The following ZNF526 variants were observed in gnomAD, a reference collection of about 807,000 sequenced individuals.
ZNF526 encodes the protein zinc finger protein 526.
ZNF526 carries 16 observed loss-of-function variants against 32.4 expected under a neutral mutation model. The observed-to-expected ratio is 0.49, with a 90% CI of 0.33 to 0.75. The LOEUF is 0.75. ZNF526 is among the 30% of genes least tolerant of loss of function. ZNF526 has a pLI of 0.02. For missense variants in ZNF526, 838 were observed against 920.7 expected (o/e 0.91, Z 1.16); for synonymous variants, 355 against 363.4 (o/e 0.98, Z 0.26).
rs2036196229 is a variant in ZNF526, at chr19:42,228,021, T to G, written c.*1605T>G. 6.6e-6 allele frequency: 1 copy of G among 151,764 alleles called. No individual in the cohort carries two copies. The allele number at this position is 151,764 out of a possible 1,614,324, so 9.4% of individuals were successfully genotyped here. On this transcript the variant is annotated 3_prime_UTR_variant, in exon 3 of 3. Transcript: ENST00000301215. ...CAAGACCTGGGCAAGAGAGAGAGACTTTGTCTCTATTAAAAATAAAAATGA... is the reference window on the plus strand; with the variant it reads ...CAAGACCTGGGCAAGAGAGAGAGACGTTGTCTCTATTAAAAATAAAAATGA...
intron 1 of ZNF526, among the ~76,000 whole-genome samples, chr19:42,222,293 T>C (rs1213885063): frequency 6.6e-6 from 1 of 152,086 alleles, no homozygotes; most frequent in African/African-American, 2.4e-5. Context: ...TTTCATCATG[T>C]TGGCCAGCAT....
In ZNF526 at chr19:42,224,896, T is replaced by C; in HGVS notation, c.493T>C (p.Ser165Pro). 1 of 1,614,086 alleles carries C rather than the reference T, an allele frequency of 6.2e-7. No individual in the cohort carries two copies. Among genetic ancestry groups the C allele is most frequent in the Non-Finnish European group, 8.5e-7 (1 of 1,180,014 alleles). ...GGCTCATCGAAAGGCCCAGCACCTT[T>C]CTGCTACGGTAGCTGAGCCACCAGT... ...WVAHRKAQHL[S>P]ATVAEPPVPP... The change falls in exon 3 of 3, where the codon TCT becomes CCT. Residue 165 changes from serine to proline, a missense_variant. Ser to Pro is a moderately conservative substitution (Grantham distance 74, BLOSUM62 -1). Coordinates refer to ENST00000301215, the MANE Select transcript of ZNF526 (RefSeq NM_133444.3).
Position 42,226,811 on chromosome 19 carries a change from C to CT in ZNF526, c.*397dup. The CT allele has an allele frequency of 3.1e-6, 1 of 325,066 alleles. No homozygotes were observed. Among genetic ancestry groups the CT allele is most frequent in the Non-Finnish European group, 6.2e-6 (1 of 160,548 alleles). The allele number at this position is 325,066 out of a possible 1,614,324, so 20.1% of individuals were successfully genotyped here. A position where few individuals can be genotyped will look rare whatever the true frequency, so the allele number is the denominator to read the frequency against. ...AGATCCTCTGCTTGTACCCCCAGCC[C>CT]TTGCCTTCCCTGGATTTTGGGCACC... On this transcript the variant is annotated 3_prime_UTR_variant, in exon 3 of 3. Coordinates refer to ENST00000301215, the MANE Select transcript of ZNF526 (RefSeq NM_133444.3).
In ZNF526 at chr19:42,225,464, A is replaced by G. The variant is rs2036166729; in HGVS notation, c.1061A>G (p.His354Arg). ...TCGCTTGAGCAGCACTTGCGGCTGCATCGCGGGGAAGCCCGCTACCTCTGT... is the reference window on the plus strand; with the variant it reads ...TCGCTTGAGCAGCACTTGCGGCTGCGTCGCGGGGAAGCCCGCTACCTCTGT... ...AASLEQHLRLHRGEARYLCVD... is the reference protein window; with the variant it reads ...AASLEQHLRLRRGEARYLCVD... The change falls in exon 3 of 3, where the codon CAT (histidine) becomes CGT (arginine). Residue 354 changes from histidine (H) to arginine (R), a missense_variant. Transcript: ENST00000301215. 1.2e-6 allele frequency: 2 copies of G among 1,614,122 alleles called. No homozygotes were observed. The highest frequency in any genetic ancestry group is 1.7e-6 in the Non-Finnish European group (2 of 1,180,038).
chr19:42,228,089 TGGAGGCTGAGGC>T lies in ZNF526; in HGVS notation c.*1680_*1691del, dbSNP rs1037529129. The T allele has an allele frequency of 6.6e-6, 1 of 151,404 alleles. No individual in the cohort carries two copies. The highest frequency in any genetic ancestry group is 1.5e-5 in the Non-Finnish European group (1 of 67,882). 9.4% of individuals were successfully genotyped at this position (151,404 alleles called of 1,614,324 possible). A position where few individuals can be genotyped will look rare whatever the true frequency, so the allele number is the denominator to read the frequency against. ...TGCACACCAGTATTCCCAGCTACTCTGGAGGCTGAGGCGGAGGCAGGATTGCTTGATATGAGG... is the reference window on the plus strand; with the variant it reads ...TGCACACCAGTATTCCCAGCTACTCTGGAGGCAGGATTGCTTGATATGAGG... On this transcript the variant is annotated 3_prime_UTR_variant, in exon 3 of 3. Coordinates refer to ENST00000301215, the MANE Select transcript of ZNF526 (RefSeq NM_133444.3).
In ZNF526 at chr19:42,226,361, C is replaced by T; in HGVS notation, c.1958C>T (p.Ala653Val). 1.9e-6 allele frequency: 3 copies of T among 1,614,254 alleles called. No individual in the cohort carries two copies. Among genetic ancestry groups the T allele is most frequent in the Non-Finnish European group, 2.5e-6 (3 of 1,180,044 alleles). The change falls in exon 3 of 3, where the codon GCA (alanine) becomes GTA (valine). Residue 653 changes from alanine to valine, a missense_variant. Physicochemically the swap from Ala to Val is moderately conservative, Grantham distance 64. Coordinates refer to ENST00000301215, the MANE Select transcript of ZNF526 (RefSeq NM_133444.3). ...LEDTLQLCQAALGASEAGGLL... is the reference protein window; with the variant it reads ...LEDTLQLCQAVLGASEAGGLL... ...GACACCCTGCAGCTGTGCCAGGCTG[C>T]ACTGGGGGCCAGTGAAGCAGGCGGG...
rs748144269 is a variant in ZNF526, at chr19:42,226,441, G to A, written c.*25G>A. On this transcript the variant is annotated 3_prime_UTR_variant, in exon 3 of 3. Coordinates refer to ENST00000301215, the MANE Select transcript of ZNF526 (RefSeq NM_133444.3). ...ACGCAGCTGAAAAGCAACAACAAAA[G>A]GGTTTGGTTGCAACAGCCAGTGTGG... 8 of 1,614,058 alleles carry A rather than the reference G, an allele frequency of 5.0e-6. No individual in the cohort carries two copies. Among genetic ancestry groups the A allele is most frequent in the Non-Finnish European group, 8.5e-7 (1 of 1,180,002 alleles).
chr19:42,225,603 C>G lies in ZNF526; in HGVS notation c.1200C>G (p.Thr400=), dbSNP rs202178084. The G allele has an allele frequency of 6.2e-7, 1 of 1,609,818 alleles. No homozygotes were observed. Among genetic ancestry groups the G allele is most frequent in the Admixed American group, 1.7e-5 (1 of 59,886 alleles). Residue 400 remains threonine, a synonymous_variant, in exon 3 of 3, where the codon ACC becomes ACG. Coordinates refer to ENST00000301215, the MANE Select transcript of ZNF526 (RefSeq NM_133444.3). The part of the protein sequence containing the change: ...CRCGKTFSNM[T]KFLYHRRTHA... Reference sequence around the variant, plus strand: ...GCGGCAAGACGTTCAGCAACATGACCAAGTTCCTCTACCACCGGCGCACTC... The same window carrying G: ...GCGGCAAGACGTTCAGCAACATGACGAAGTTCCTCTACCACCGGCGCACTC...
rs1248986629 is a variant in ZNF526, at chr19:42,225,368, C to T, written c.965C>T (p.Ala322Val). Residue 322 changes from alanine (A) to valine (V), a missense_variant, in exon 3 of 3, where the codon GCT becomes GTT. By Grantham distance (64) the Ala-to-Val change is moderately conservative. Transcript: ENST00000301215. ...TTCAGCTCCGCCAACCGGCTGCAGGCTCATGGGCGGGCCCATGTTGGTGGC... is the reference window on the plus strand; with the variant it reads ...TTCAGCTCCGCCAACCGGCTGCAGGTTCATGGGCGGGCCCATGTTGGTGGC... ...RSFSSANRLQ[A>V]HGRAHVGGTH... 1 of 1,614,032 alleles carries T rather than the reference C, an allele frequency of 6.2e-7. No homozygotes were observed. Among genetic ancestry groups the T allele is most frequent in the Admixed American group, 1.7e-5 (1 of 60,034 alleles).
rs777650203 is a variant in ZNF526, at chr19:42,225,180, T to A, written c.777T>A (p.Asp259Glu). The part of the protein sequence containing the change: ...EDEEAMAEVG[D>E]DAVGGDESTA... ...AGGAGGCCATGGCAGAGGTCGGTGATGATGCTGTGGGAGGTGACGAGTCCA... is the reference window on the plus strand; with the variant it reads ...AGGAGGCCATGGCAGAGGTCGGTGAAGATGCTGTGGGAGGTGACGAGTCCA... Residue 259 changes from aspartate to glutamate, a missense_variant, in exon 3 of 3, where the codon GAT becomes GAA. Coordinates refer to ENST00000301215, the MANE Select transcript of ZNF526 (RefSeq NM_133444.3). 1 of 1,614,080 alleles carries A rather than the reference T, an allele frequency of 6.2e-7. No homozygotes were observed. Among genetic ancestry groups the A allele is most frequent in the Non-Finnish European group, 8.5e-7 (1 of 1,180,034 alleles).
chr19:42,223,807 G>A (rs1278975807), intron 1 of ZNF526, among the ~76,000 whole-genome samples: 1 of 112,762 alleles, frequency 8.9e-6, no homozygotes, highest in African/African-American at 3.3e-5. Context: ...CAGAGCAAGA[G>A]TCCATCTCAA....
chr19:42,225,687 G>GCCCCCCCCCCCCCC lies in ZNF526; in HGVS notation c.1287_1288insCCCCCCCCCCCCCC (p.Thr430ProfsTer60). On this transcript the variant is annotated frameshift_variant, in exon 3 of 3. Transcript: ENST00000301215. LOFTEE classifies it high-confidence loss of function. ...CAACAGCTCCCCCAGCTCCAGCGGA[G>GCCCCCCCCCCCCCC]CCCACCCCTCCACCACCACCCCCTG... is the stretch of plus-strand genomic sequence containing the variant. The GCCCCCCCCCCCCCC allele has an allele frequency of 6.2e-7, 1 of 1,610,638 alleles. No homozygotes were observed. The highest frequency in any genetic ancestry group is 1.7e-5 in the Admixed American group (1 of 59,752).
rs1441730109 is a variant in ZNF526, at chr19:42,224,225, G to T, written c.-98G>T. On this transcript the variant is annotated 5_prime_UTR_variant, in exon 2 of 3. Coordinates refer to ENST00000301215, the MANE Select transcript of ZNF526 (RefSeq NM_133444.3). ...GTTTCTCTCCTGCAGGCTGCCGTGG[G>T]GTGTGTGTAGGCTTCAGAGACATGG... is the stretch of plus-strand genomic sequence containing the variant. The T allele has an allele frequency of 3.0e-6, 2 of 659,674 alleles. No individual in the cohort carries two copies. The highest frequency in any genetic ancestry group is 2.8e-6 in the Non-Finnish European group (1 of 362,850). 40.9% of individuals were successfully genotyped at this position (659,674 alleles called of 1,614,324 possible).
In ZNF526 at chr19:42,225,525, G is replaced by C; in HGVS notation, c.1122G>C (p.Thr374=). 1 of 1,612,556 alleles carries C rather than the reference G, an allele frequency of 6.2e-7. No homozygotes were observed. Among genetic ancestry groups the C allele is most frequent in the South Asian group, 1.1e-5 (1 of 91,066 alleles). ...DCGRGFGTEL[T]LVAHRRAHTA... ...GCCGCGGCTTTGGCACAGAACTCACGTTGGTGGCTCACCGGCGGGCCCACA... is the reference window on the plus strand; with the variant it reads ...GCCGCGGCTTTGGCACAGAACTCACCTTGGTGGCTCACCGGCGGGCCCACA... Residue 374 remains threonine, a synonymous_variant, in exon 3 of 3, where the codon ACG becomes ACC. Coordinates refer to ENST00000301215, the MANE Select transcript of ZNF526 (RefSeq NM_133444.3).
chr19:42,225,735 C>CCTTTG lies in ZNF526; in HGVS notation c.1333_1334insTTTGC (p.Pro445LeufsTer42). 3 of 1,610,918 alleles carry CCTTTG rather than the reference C, an allele frequency of 1.9e-6. No homozygotes were observed. The highest frequency in any genetic ancestry group is 2.5e-6 in the Non-Finnish European group (3 of 1,178,952). On this transcript the variant is annotated frameshift_variant, in exon 3 of 3. Transcript: ENST00000301215. LOFTEE classifies it high-confidence loss of function. Reference sequence around the variant, plus strand: ...CTGCCCCACCTGCCCAGCTGCCCTGCCCACAGTGCTCCAAGTCCTTTGCCT... The same window carrying CCTTTG: ...CTGCCCCACCTGCCCAGCTGCCCTGCCTTTGCCACAGTGCTCCAAGTCCTTTGCCT...
At position 42,226,490 on chromosome 19, in the gene ZNF526, C is replaced by T; in HGVS notation, c.*74C>T. Reference sequence around the variant, plus strand: ...GGGTACCTCTGGGGAGAGAGGACCTCCTCTGACAAACTGGTCTGGTACCCA... The same window carrying T: ...GGGTACCTCTGGGGAGAGAGGACCTTCTCTGACAAACTGGTCTGGTACCCA... On this transcript the variant is annotated 3_prime_UTR_variant, in exon 3 of 3. Coordinates refer to ENST00000301215, the MANE Select transcript of ZNF526 (RefSeq NM_133444.3). The T allele has an allele frequency of 6.2e-7, 1 of 1,604,682 alleles. No individual in the cohort carries two copies. Among genetic ancestry groups the T allele is most frequent in the Middle Eastern group, 1.7e-4 (1 of 6,032 alleles).
intron 1 of ZNF526, 123 bp downstream of exon 1, chr19:42,220,510 C>G (rs964532336): frequency 2.0e-5 from 3 of 152,278 alleles, no homozygotes; most frequent in Non-Finnish European, 4.4e-5. Context: ...GCGGGAGCGG[C>G]GCGGGCTGGA....
chr19:42,225,846 C>G lies in ZNF526; in HGVS notation c.1443C>G (p.Phe481Leu). The stretch of plus-strand genomic sequence containing the variant: ...GCTGTGGGGTTTGTGGCAAGGGCTT[C>G]AAGAAGCTGATCCACGTGCGCAACC... ...RHRCGVCGKG[F>L]KKLIHVRNHL... Residue 481 changes from phenylalanine to leucine, a missense_variant, in exon 3 of 3, where the codon TTC (phenylalanine) becomes TTG (leucine). By Grantham distance (22) the Phe-to-Leu change is conservative (BLOSUM62 0). Transcript: ENST00000301215. The G allele has an allele frequency of 6.2e-7, 1 of 1,614,156 alleles. No homozygotes were observed. The highest frequency in any genetic ancestry group is 8.5e-7 in the Non-Finnish European group (1 of 1,180,036).
chr19:42,223,815 CAAAAAA>C (rs962041845), intron 1 of ZNF526, among the ~76,000 whole-genome samples: 3 of 32,918 alleles, frequency 9.1e-5, no homozygotes, highest in South Asian at 1.3e-3. Context: ...GAGTCCATCT[CAAAAAA>C]AAAAAAAAAA....
Sources: gnomAD v4.1 joint callset for allele counts (sites outside exome capture counted in the v4.1 genomes callset) on GRCh38, gnomAD v4.1.1 for gene constraint, MANE v1.5 for transcripts, NCBI Gene and HGNC (gene_info 2026-07-23, HGNC 2026-07-21) for gene names.